MAP3K2: variants seen among roughly 807,000 people sequenced by gnomAD.
MAP3K2 encodes mitogen-activated protein kinase kinase kinase 2.
Under a neutral mutation model 80.3 loss-of-function variants are expected in MAP3K2, and 24 were observed. That is an observed-to-expected ratio of 0.30 (90% CI 0.22 to 0.42). The LOEUF (loss-of-function observed/expected upper bound fraction) is 0.42, where lower values mean the gene tolerates loss of function less well. Ranked by LOEUF, MAP3K2 falls within the 10% of genes least tolerant of loss-of-function variation. The pLI is 1.00. For synonymous variants in MAP3K2, 244 were observed against 253.7 expected, an observed-to-expected ratio of 0.96 and a Z score of 0.36; for missense variants, 608 against 750.1, an observed-to-expected ratio of 0.81 and a Z score of 2.21.
intron 1 of MAP3K2, among the ~76,000 whole-genome samples, chr2:127,353,726 C>A (rs1283316834): frequency 6.6e-6 from 1 of 152,130 alleles, no homozygotes; most frequent in African/African-American, 2.4e-5. Flanking sequence ...CCGGCCACCA[C>A]CCCGTCTGGG....
At chr2:127,352,672 A>G (rs1278650440) in intron 1 of MAP3K2, among the ~76,000 whole-genome samples, 2 of 151,920 alleles carry the variant, frequency 1.3e-5, no homozygotes, top group African/African-American at 4.8e-5. Flanking sequence ...AAAAGAGTGC[A>G]TGCTTCCCTC....
intron 1 of MAP3K2, among the ~76,000 whole-genome samples, chr2:127,376,267 C>T (rs997342156): frequency 5.6e-5 from 7 of 124,254 alleles, no homozygotes; most frequent in Non-Finnish European, 3.1e-5. Flanking sequence ...TTACTTAGAC[C>T]TTGGAACCTG....
rs1685793967 is a variant in MAP3K2, at chr2:127,310,726, T to A, written c.1457-1964A>T. ...TTATTCTCTATTTTCACTCTTATCA[T>A]TTTAAAAACTCTATTTTTTCTGGGA... On this transcript the variant is annotated intron_variant, in intron 15 of 16. Transcript: ENST00000682094. The surrounding 1 kb of genome is among the most constrained non-coding windows in gnomAD (Gnocchi z 4.8). 6.6e-6 allele frequency among the ~76,000 whole-genome samples: 1 copy of A among 152,174 alleles called. No individual in the cohort carries two copies. The highest frequency in any genetic ancestry group is 1.5e-5 in the Non-Finnish European group (1 of 68,030).
intron 1 of MAP3K2, among the ~76,000 whole-genome samples, chr2:127,380,881 TTACA>T (rs1687233625): frequency 6.6e-6 from 1 of 152,208 alleles, no homozygotes; most frequent in Non-Finnish European, 1.5e-5. Context: ...CAATTTTGTA[TTACA>T]TACATTTGAT....
chr2:127,363,887 C>T (rs1686929850), intron 1 of MAP3K2, among the ~76,000 whole-genome samples: 1 of 152,020 alleles, frequency 6.6e-6, no homozygotes, highest in Non-Finnish European at 1.5e-5. Flanking sequence ...GAACCCCTGG[C>T]CTCAAGTGAT....
intron 2 of MAP3K2, among the ~76,000 whole-genome samples, chr2:127,340,474 T>C (rs1483772120): frequency 6.6e-6 from 1 of 152,120 alleles, no homozygotes; most frequent in Non-Finnish European, 1.5e-5. Context: ...CTGGCCGATA[T>C]GGTGAAACCC....
At chr2:127,378,257 G>A (rs904989859) in intron 1 of MAP3K2, 3 of 409,312 alleles carry the variant, frequency 7.3e-6, no homozygotes, top group African/African-American at 2.2e-5. Context: ...TTATTATTAC[G>A]TAGTGCTGAA....
chr2:127,307,379 A>AG lies in MAP3K2; in HGVS notation c.*199dup, dbSNP rs1685722438. Reference sequence around the variant, plus strand: ...AAAAAAAAAACTTCAAGTTCTTGTAAGGGAAAAAAAGATTAAATATAAAAA... The same window carrying AG: ...AAAAAAAAAACTTCAAGTTCTTGTAAGGGGAAAAAAAGATTAAATATAAAAA... On this transcript the variant is annotated 3_prime_UTR_variant, in exon 17 of 17. Coordinates refer to ENST00000682094, the MANE Select transcript of MAP3K2 (RefSeq NM_001371910.2). The surrounding 1 kb of genome is among the most constrained non-coding windows in gnomAD (Gnocchi z 5.4). 1 of 356,918 alleles carries AG rather than the reference A, an allele frequency of 2.8e-6. No individual in the cohort carries two copies. The highest frequency in any genetic ancestry group is 5.0e-6 in the Non-Finnish European group (1 of 201,818). 22.1% of individuals were successfully genotyped at this position (356,918 alleles called of 1,614,324 possible). A position where few individuals can be genotyped will look rare whatever the true frequency, so the allele number is the denominator to read the frequency against.
At chr2:127,319,234 A>G (rs1432997813) in intron 12 of MAP3K2, among the ~76,000 whole-genome samples, 1 of 101,840 alleles carries the variant, frequency 9.8e-6, no homozygotes, top group Admixed American at 1.2e-4. Flanking sequence ...GGAATGCAAA[A>G]GAAAAAAAAA....
At chr2:127,361,662 T>C (rs1272111600) in intron 1 of MAP3K2, among the ~76,000 whole-genome samples, 1 of 152,234 alleles carries the variant, frequency 6.6e-6, no homozygotes, top group Non-Finnish European at 1.5e-5. Flanking sequence ...TATCGAGTTT[T>C]AAAAGGTCTT....
At chr2:127,312,334 C>G (rs953600017) in intron 15 of MAP3K2, among the ~76,000 whole-genome samples, 3 of 152,142 alleles carry the variant, frequency 2.0e-5, no homozygotes, top group African/African-American at 7.2e-5. Flanking sequence ...GCAATATAAT[C>G]AATTAATTTT....
At chr2:127,341,065 C>T (rs1686471171) in intron 2 of MAP3K2, among the ~76,000 whole-genome samples, 1 of 152,034 alleles carries the variant, frequency 6.6e-6, no homozygotes, top group African/African-American at 2.4e-5. Flanking sequence ...TCTCGGCTCA[C>T]TGCAAGCTCC....
chr2:127,337,085 T>C (rs1428176472), intron 4 of MAP3K2, among the ~76,000 whole-genome samples: 1 of 151,750 alleles, frequency 6.6e-6, no homozygotes, highest in East Asian at 1.9e-4. Context: ...GAGGTTGCAG[T>C]GAGCCAAAAT....
intron 12 of MAP3K2, among the ~76,000 whole-genome samples, chr2:127,319,153 C>A (rs191449018): frequency 4.7e-4 from 71 of 151,658 alleles, no homozygotes; most frequent in African/African-American, 1.6e-3. Flanking sequence ...GAAACGAGAG[C>A]CTTCAGCCGC....
intron 1 of MAP3K2, among the ~76,000 whole-genome samples, chr2:127,361,303 ACT>A (rs1686884995): frequency 1.5e-5 from 2 of 130,038 alleles, no homozygotes; most frequent in Admixed American, 8.2e-5. Context: ...ACAGAGCAAC[ACT>A]CTGTCTCAAA....
At chr2:127,360,385 G>T (rs76340452) in intron 1 of MAP3K2, among the ~76,000 whole-genome samples, 1 of 147,590 alleles carries the variant, frequency 6.8e-6, no homozygotes, top group Admixed American at 6.7e-5. Flanking sequence ...AAAAAAAAAA[G>T]CAGATCATTG....
At chr2:127,355,672 G>A (rs889963241) in intron 1 of MAP3K2, among the ~76,000 whole-genome samples, 1 of 152,084 alleles carries the variant, frequency 6.6e-6, no homozygotes, top group Admixed American at 6.5e-5. Context: ...GGGGTGACTA[G>A]GGCAATTTCT....
At chr2:127,341,532 T>G (rs979993482) in intron 2 of MAP3K2, among the ~76,000 whole-genome samples, 14 of 56,568 alleles carry the variant, frequency 2.5e-4, no homozygotes, top group South Asian at 1.4e-3. Context: ...TTTTTGTTGT[T>G]TTTTTTTTTT....
rs1685591746 is a variant in MAP3K2 at position 127,301,509 on chromosome 2, A to C, written c.*6070T>G. ...TTTATAATTTTTATACTATTAGCTT[A>C]CAAGTGGACAGAAGTAACAGTGCTA... On this transcript the variant is annotated 3_prime_UTR_variant, in exon 17 of 17. Coordinates refer to ENST00000682094, the MANE Select transcript of MAP3K2 (RefSeq NM_001371910.2). 1 of 152,224 alleles carries C rather than the reference A, an allele frequency of 6.6e-6. No individual in the cohort carries two copies. Among genetic ancestry groups the C allele is most frequent in the Non-Finnish European group, 1.5e-5 (1 of 68,046 alleles). 9.4% of individuals were successfully genotyped at this position (152,224 alleles called of 1,614,324 possible).
Sources: gnomAD v4.1 joint callset for allele counts (sites outside exome capture counted in the v4.1 genomes callset) on GRCh38, gnomAD v4.1.1 for gene constraint, Gnocchi (gnomAD v3.1) non-coding constraint, MANE v1.5 for transcripts, NCBI Gene and HGNC (gene_info 2026-07-23, HGNC 2026-07-21) for gene names.